The following BRD4 variants were observed in gnomAD, a reference collection of about 807,000 sequenced individuals.
BRD4 encodes the protein bromodomain-containing protein 4.
In BRD4, 16 loss-of-function variants were observed where a neutral mutation model predicts 142.1. The observed-to-expected ratio is 0.11, with a 90% CI of 0.08 to 0.17. BRD4 has a LOEUF of 0.17. Among genes scored for constraint, BRD4 ranks in the 10% least tolerant of loss-of-function variants. The pLI, the probability that BRD4 is intolerant of heterozygous loss-of-function variation, is 1.00. For missense variants in BRD4, 1,424 were observed against 1,810.9 expected (o/e 0.79, Z 3.88); for synonymous variants, 833 against 707.5 (o/e 1.18, Z -2.82).
rs1256795787 is a variant in BRD4 at position 15,239,493 on chromosome 19, T to G, written c.3475A>C (p.Arg1159=). ...TGCTCTGGGGGCCGGATCACAGGCC[T>G]CCCGACATCCACAGGCTTCATTTCC... ...RPEMKPVDVG[R]PVIRPPEQNA... The change falls in exon 17 of 20, where the codon AGG becomes CGG. Residue 1159 remains arginine, a synonymous_variant. Coordinates refer to ENST00000679869, the MANE Select transcript of BRD4 (RefSeq NM_001379291.1). The surrounding 1 kb of genome is among the most constrained non-coding windows in gnomAD (Gnocchi z 7.4). 1 of 1,613,538 alleles carries G rather than the reference T, an allele frequency of 6.2e-7. No homozygotes were observed. The highest frequency in any genetic ancestry group is 1.3e-5 in the African/African-American group (1 of 74,852).
At position 15,325,466 on chromosome 19, in the gene BRD4, G is replaced by C. The variant is rs72994028; in HGVS notation, c.-35+6824C>G. On this transcript the variant is annotated intron_variant, in intron 1 of 19. Transcript: ENST00000679869. ...GGAAACAAAGTCCAACTCTGGGCAG[G>C]AGAGGGTAGAAAAGTCAAAGGGCAA... Among the ~76,000 whole-genome samples the C allele has an allele frequency of 3.3e-3, 497 of 152,266 alleles. 2 individuals carry two copies. The highest frequency in any genetic ancestry group is 4.9e-3 in the Non-Finnish European group (331 of 68,026).
chr19:15,257,284 G>GA, intron 7 of BRD4, 111 bp from the exon 8 acceptor site: 1 of 1,039,146 alleles, frequency 9.6e-7, no homozygotes, highest in Non-Finnish European at 1.4e-6. Context: ...AACCGAGGGC[G>GA]AAAGAGGATG....
Position 15,239,446 on chromosome 19 carries a change from G to T in BRD4, c.3522C>A (p.Ala1174=), listed in dbSNP as rs200524798. 155 of 1,614,148 alleles carry T rather than the reference G, an allele frequency of 9.6e-5. 1 individual carries two copies. In the South Asian group the frequency reaches 1.6e-3, roughly 16 times the overall value. The part of the protein sequence containing the change: ...PPEQNAPPPG[A]PDKDKQKQEP... ...CCTGTTTCTGTTTGTCCTTGTCAGGGGCCCCTGGTGGCGGTGCGTTCTGCT... is the reference window on the plus strand; with the variant it reads ...CCTGTTTCTGTTTGTCCTTGTCAGGTGCCCCTGGTGGCGGTGCGTTCTGCT... The change falls in exon 17 of 20, where the codon GCC becomes GCA. Residue 1174 remains alanine (A), a synonymous_variant. Coordinates refer to ENST00000679869, the MANE Select transcript of BRD4 (RefSeq NM_001379291.1). The surrounding 1 kb of genome is among the most constrained non-coding windows in gnomAD (Gnocchi z 7.4).
At chr19:15,260,494 C>A (rs1346431545) in intron 7 of BRD4, among the ~76,000 whole-genome samples, 1 of 152,196 alleles carries the variant, frequency 6.6e-6, no homozygotes, top group Non-Finnish European at 1.5e-5. Flanking sequence ...GCTCTGGAAC[C>A]CTCCACCATC....
chr19:15,291,598 C>T (rs1428413692), intron 1 of BRD4, among the ~76,000 whole-genome samples: 3 of 152,174 alleles, frequency 2.0e-5, no homozygotes, highest in Non-Finnish European at 2.9e-5. Flanking sequence ...CCAGAGAATA[C>T]ACATTCTCCA....
intron 1 of BRD4, among the ~76,000 whole-genome samples, chr19:15,329,135 T>A (rs545892015): frequency 6.6e-6 from 1 of 152,028 alleles, no homozygotes; most frequent in South Asian, 2.1e-4. Context: ...TCATCTCTTA[T>A]GTATTAAATG....
At chr19:15,298,882 C>G (rs988920898) in intron 1 of BRD4, among the ~76,000 whole-genome samples, 9 of 152,118 alleles carry the variant, frequency 5.9e-5, no homozygotes, top group African/African-American at 2.2e-4. Flanking sequence ...AAGACATCCC[C>G]AAGCAGCCCA....
intron 1 of BRD4, among the ~76,000 whole-genome samples, chr19:15,293,482 G>A (rs2047799816): frequency 6.6e-6 from 1 of 152,168 alleles, no homozygotes; most frequent in South Asian, 2.1e-4. Flanking sequence ...ATGTCCTCTT[G>A]CCAAAAGAAA....
intron 7 of BRD4, among the ~76,000 whole-genome samples, chr19:15,261,575 G>A (rs2047471872): frequency 6.6e-6 from 1 of 152,326 alleles, no homozygotes; most frequent in East Asian, 1.9e-4. Flanking sequence ...GGGCAATGTT[G>A]TTTGTGAAGA....
chr19:15,301,254 C>T (rs2047864920), intron 1 of BRD4, among the ~76,000 whole-genome samples: 1 of 152,182 alleles, frequency 6.6e-6, no homozygotes, highest in South Asian at 2.1e-4. Flanking sequence ...ATCATAGACA[C>T]AGAAAACAGA....
chr19:15,291,327 T>A (rs989275005), intron 1 of BRD4, among the ~76,000 whole-genome samples: 1 of 152,150 alleles, frequency 6.6e-6, no homozygotes, highest in Non-Finnish European at 1.5e-5. Context: ...CTACTACATC[T>A]CTTGGGAGAC....
Position 15,264,671 on chromosome 19 carries a change from G to A in BRD4, c.945C>T (p.Thr315=), listed in dbSNP as rs2145600037. The part of the protein sequence containing the change: ...EPPSLPPEPK[T]TKLGQRRESS... ...TCTCCCGCCGCTGGCCCAGCTTGGT[G>A]GTCTTGGGCTCCGGGGGCAGCGAGG... The change falls in exon 6 of 20, where the codon ACC becomes ACT. Residue 315 remains threonine, a synonymous_variant. Transcript: ENST00000679869. 6.2e-7 allele frequency: 1 copy of A among 1,613,700 alleles called. No individual in the cohort carries two copies. The highest frequency in any genetic ancestry group is 1.1e-5 in the South Asian group (1 of 91,058).
In BRD4 at chr19:15,254,226, A is replaced by G; in HGVS notation, c.2084T>C (p.Met695Thr). The G allele has an allele frequency of 6.2e-7, 1 of 1,614,198 alleles. No individual in the cohort carries two copies. The highest frequency in any genetic ancestry group is 8.5e-7 in the Non-Finnish European group (1 of 1,180,032). The change falls in exon 11 of 20, where the codon ATG becomes ACG. Residue 695 changes from methionine to threonine, a missense_variant. Met to Thr is a moderately conservative substitution (Grantham distance 81). This residue lies in a region of BRD4 where 598 missense variants were observed against 647.8 expected (regional missense o/e 0.92). Coordinates refer to ENST00000679869, the MANE Select transcript of BRD4 (RefSeq NM_001379291.1). ...KVDVIAGSSK[M>T]KGFSSSESES... The stretch of plus-strand genomic sequence containing the variant: ...CGACTCTGAGGACGAGAAGCCCTTC[A>G]TCTTGGAGGAGCCGGCAATCACATC...
intron 1 of BRD4, among the ~76,000 whole-genome samples, chr19:15,297,521 A>G (rs879500867): frequency 1.8e-4 from 27 of 152,304 alleles, no homozygotes; most frequent in Middle Eastern, 3.4e-3. Context: ...TCTTTTACCC[A>G]TCAAAGCCTG....
At chr19:15,247,439 G>C (rs913658220) in intron 11 of BRD4, 1 of 232,832 alleles carries the variant, frequency 4.3e-6, no homozygotes, top group Admixed American at 5.6e-5. Flanking sequence ...AGTTCAACAA[G>C]CCCTGAACGT....
At chr19:15,288,259 T>C (rs968095828) in intron 1 of BRD4, among the ~76,000 whole-genome samples, 1 of 152,164 alleles carries the variant, frequency 6.6e-6, no homozygotes. Context: ...TTTGCTGAAG[T>C]ACACAGAGGT....
At chr19:15,286,878 G>A (rs1396807583) in intron 1 of BRD4, among the ~76,000 whole-genome samples, 3 of 152,226 alleles carry the variant, frequency 2.0e-5, no homozygotes, top group Non-Finnish European at 1.5e-5. Flanking sequence ...CGTGGGGTTA[G>A]TGCTGACCTC....
rs914094521 is a variant in BRD4, at chr19:15,295,269, G to A, written c.-34-22136C>T. Among the ~76,000 whole-genome samples, 7 of 152,166 alleles carry A rather than the reference G, an allele frequency of 4.6e-5. No homozygotes were observed. The East Asian group carries it at 1.4e-3, about 29-fold the overall frequency. On this transcript the variant is annotated intron_variant, in intron 1 of 19. Transcript: ENST00000679869. Reference sequence around the variant, plus strand: ...GCCCAGGGACTAGAGACAGGTTCCCGCATCTCTCTCACGGATGCACTTGCT... The same window carrying A: ...GCCCAGGGACTAGAGACAGGTTCCCACATCTCTCTCACGGATGCACTTGCT...
In BRD4 at chr19:15,292,858, A is replaced by G. The variant is rs111286421; in HGVS notation, c.-34-19725T>C. Among the ~76,000 whole-genome samples, 104 of 151,286 alleles carry G rather than the reference A, an allele frequency of 6.9e-4. 1 individual carries two copies. Among genetic ancestry groups the G allele is most frequent in the African/African-American group, 2.3e-3 (97 of 41,356 alleles). The stretch of plus-strand genomic sequence containing the variant: ...GAAAAGCCTGAAACATCCCCAAACC[A>G]AAAGTCTAGTTTTAGGTCTCACAAT... On this transcript the variant is annotated intron_variant, in intron 1 of 19. Transcript: ENST00000679869.
Sources: gnomAD v4.1 joint callset for allele counts (sites outside exome capture counted in the v4.1 genomes callset) on GRCh38, gnomAD v4.1.1 for gene constraint, gnomAD v4.1.1 regional missense constraint, Gnocchi (gnomAD v3.1) non-coding constraint, MANE v1.5 for transcripts, NCBI Gene and HGNC (gene_info 2026-07-23, HGNC 2026-07-21) for gene names.